The following KCTD16 variants were observed in gnomAD, a reference collection of about 807,000 sequenced individuals.
KCTD16 encodes the protein BTB/POZ domain-containing protein KCTD16.
A neutral mutation model predicts 33.2 loss-of-function variants in KCTD16; 13 were observed. The ratio of observed to expected loss-of-function variants is 0.39; its 90% CI spans 0.25 to 0.62. The LOEUF (loss-of-function observed/expected upper bound fraction) is 0.62, where lower values mean the gene tolerates loss of function less well. Ranked by LOEUF, KCTD16 falls within the 20% of genes least tolerant of loss-of-function variation. KCTD16 has a pLI of 0.50. For missense variants in KCTD16, 441 were observed against 525.1 expected, an observed-to-expected ratio of 0.84 and a Z score of 1.57; for synonymous variants, 197 against 195.3, an observed-to-expected ratio of 1.01 and a Z score of -0.07.
At chr5:144,359,435 A>G (rs1232805865) in intron 3 of KCTD16, among the ~76,000 whole-genome samples, 1 of 152,062 alleles carries the variant, frequency 6.6e-6, no homozygotes, top group Non-Finnish European at 1.5e-5. Flanking sequence ...ACAGATTGAA[A>G]GGGGAGTTTT....
At chr5:144,348,046 G>T (rs1415438321) in intron 3 of KCTD16, among the ~76,000 whole-genome samples, 1 of 152,090 alleles carries the variant, frequency 6.6e-6, no homozygotes, top group Non-Finnish European at 1.5e-5. Flanking sequence ...AACCTTTTCT[G>T]GTTTTTCTGG....
intron 3 of KCTD16, among the ~76,000 whole-genome samples, chr5:144,441,084 G>A (rs1459878487): frequency 1.3e-5 from 2 of 151,898 alleles, no homozygotes; most frequent in Admixed American, 6.6e-5. Flanking sequence ...GGATCTATTC[G>A]GATCCTTTGT....
intron 3 of KCTD16, among the ~76,000 whole-genome samples, chr5:144,466,753 C>G (rs1754340788): frequency 6.6e-6 from 1 of 151,254 alleles, no homozygotes; most frequent in Admixed American, 6.6e-5. Flanking sequence ...ACAGTTTCTT[C>G]TTCCATGAAA....
intron 3 of KCTD16, among the ~76,000 whole-genome samples, chr5:144,373,381 C>A (rs554412692): frequency 6.6e-5 from 10 of 152,246 alleles, no homozygotes; most frequent in African/African-American, 2.4e-4. Flanking sequence ...ACTCTCTGTG[C>A]AGAAATAAAA....
chr5:144,304,569 G>A (rs1271920683), intron 3 of KCTD16, among the ~76,000 whole-genome samples: 1 of 152,158 alleles, frequency 6.6e-6, no homozygotes, highest in African/African-American at 2.4e-5. Context: ...AGGGTATAAA[G>A]CAGTTTCCTT....
chr5:144,454,390 ATC>A (rs773440536), intron 3 of KCTD16, among the ~76,000 whole-genome samples: 1 of 152,044 alleles, frequency 6.6e-6, no homozygotes, highest in East Asian at 1.9e-4. Context: ...CTCAGAAAGT[ATC>A]TGTTTGTTAT....
chr5:144,405,318 A>G (rs1752787124), intron 3 of KCTD16, among the ~76,000 whole-genome samples: 2 of 152,198 alleles, frequency 1.3e-5, no homozygotes, highest in South Asian at 4.1e-4. Flanking sequence ...GGTTTCCTAC[A>G]AACCATATTT....
At chr5:144,398,348 T>C (rs561927982) in intron 3 of KCTD16, among the ~76,000 whole-genome samples, 57 of 152,354 alleles carry the variant, frequency 3.7e-4, no homozygotes, top group African/African-American at 1.3e-3. Context: ...CTGTTATTAT[T>C]ATACACACAT....
At chr5:144,398,732 T>TCTCTCTCTCTCTCTCTCTC (rs773725543) in intron 3 of KCTD16, among the ~76,000 whole-genome samples, 2 of 151,250 alleles carry the variant, frequency 1.3e-5, no homozygotes, top group African/African-American at 4.9e-5. Flanking sequence ...TCTCTCTCTC[T>TCTCTCTCTCTCTCTCTCTC]TATATAAATG....
chr5:144,228,761 A>G (rs1240220733), intron 3 of KCTD16, among the ~76,000 whole-genome samples: 1 of 152,202 alleles, frequency 6.6e-6, no homozygotes, highest in Non-Finnish European at 1.5e-5. Flanking sequence ...GTGCATAAAG[A>G]ATTTGTTATG....
chr5:144,285,585 G>A (rs1331476757), intron 3 of KCTD16, among the ~76,000 whole-genome samples: 1 of 152,106 alleles, frequency 6.6e-6, no homozygotes, highest in African/African-American at 2.4e-5. Context: ...TCTATGCATA[G>A]CACAAATATA....
At chr5:144,466,239 GTTT>G (rs35569056) in intron 3 of KCTD16, among the ~76,000 whole-genome samples, 2 of 135,082 alleles carry the variant, frequency 1.5e-5, no homozygotes, top group Non-Finnish European at 1.6e-5. Flanking sequence ...ACTAGCTAGG[GTTT>G]TTTTTTTTTT....
intron 3 of KCTD16, among the ~76,000 whole-genome samples, chr5:144,446,451 C>A (rs1011585050): frequency 6.6e-6 from 1 of 152,036 alleles, no homozygotes; most frequent in Non-Finnish European, 1.5e-5. Flanking sequence ...ACCATAAAAT[C>A]TCTGGAAGAA....
chr5:144,292,458 A>G (rs995921760), intron 3 of KCTD16, among the ~76,000 whole-genome samples: 1 of 152,204 alleles, frequency 6.6e-6, no homozygotes, highest in East Asian at 1.9e-4. Context: ...GGTGGCCATT[A>G]GGATTTAAGA....
At chr5:144,208,095 T>A (rs1412112252) in intron 3 of KCTD16, among the ~76,000 whole-genome samples, 3 of 152,248 alleles carry the variant, frequency 2.0e-5, no homozygotes, top group Non-Finnish European at 4.4e-5. Context: ...GTCTAAATTT[T>A]GCTTTTAAGG....
intron 3 of KCTD16, among the ~76,000 whole-genome samples, chr5:144,269,575 C>T (rs1385446938): frequency 2.0e-5 from 3 of 151,936 alleles, no homozygotes; most frequent in East Asian, 1.9e-4. Context: ...CTACTAGACC[C>T]GCCCTGCAAG....
rs181257057 is a variant in KCTD16 at position 144,408,382 on chromosome 5, C to T, written c.833-65278C>T. The stretch of plus-strand genomic sequence containing the variant: ...ATTACAAAGCCTAGCTCCACAGTTA[C>T]GGTTTAAGCACTTATGCACAGTCAG... On this transcript the variant is annotated intron_variant, in intron 3 of 3. Coordinates refer to ENST00000512467, the MANE Select transcript of KCTD16 (RefSeq NM_020768.4). Among the ~76,000 whole-genome samples, 5 of 152,302 alleles carry T rather than the reference C, an allele frequency of 3.3e-5. No individual in the cohort carries two copies. In the East Asian group the frequency reaches 5.8e-4, roughly 18 times the overall value.
chr5:144,220,495 T>C (rs1254832001), intron 3 of KCTD16, among the ~76,000 whole-genome samples: 1 of 152,142 alleles, frequency 6.6e-6, no homozygotes, highest in Non-Finnish European at 1.5e-5. Context: ...TCTCCCCACC[T>C]CATGATGATA....
chr5:144,288,530 T>C (rs1422885664), intron 3 of KCTD16, among the ~76,000 whole-genome samples: 1 of 152,168 alleles, frequency 6.6e-6, no homozygotes, highest in Admixed American at 6.5e-5. Flanking sequence ...TATTTGTGGG[T>C]ATATCACATA....
Sources: allele counts gnomAD v4.1 joint callset (sites outside exome capture counted in the v4.1 genomes callset), GRCh38; gene constraint gnomAD v4.1.1; transcripts MANE v1.5; gene names NCBI Gene and HGNC (gene_info 2026-07-23, HGNC 2026-07-21).